The following ADCY5 variants were observed in gnomAD, a reference collection of about 807,000 sequenced individuals.
ADCY5 encodes adenylate cyclase 5.
Under a neutral mutation model 119.7 loss-of-function variants are expected in ADCY5, and 30 were observed. The ratio of observed to expected loss-of-function variants is 0.25; its 90% CI spans 0.19 to 0.34. The LOEUF (loss-of-function observed/expected upper bound fraction) is 0.34. Among genes scored for constraint, ADCY5 ranks in the 10% least tolerant of loss-of-function variants. The probability of loss-of-function intolerance (pLI) is 1.00; values close to 1 mark genes in which losing one functional copy is unlikely to be tolerated. For missense variants in ADCY5, 1,324 were observed against 1,775.2 expected (o/e 0.75, Z 4.57); for synonymous variants, 753 against 762.2 (o/e 0.99, Z 0.20).
At chr3:123,430,245 A>G (rs1210377040) in intron 1 of ADCY5, among the ~76,000 whole-genome samples, 1 of 152,212 alleles carries the variant, frequency 6.6e-6, no homozygotes, top group Non-Finnish European at 1.5e-5. Flanking sequence ...GAAAACAAAG[A>G]GCAAAAAGAC....
intron 20 of ADCY5, 97 bp from the exon 21 acceptor site, chr3:123,284,833 C>A (rs1938625028): frequency 2.6e-6 from 4 of 1,515,088 alleles, no homozygotes; most frequent in African/African-American, 1.4e-5. Flanking sequence ...GCCCTGTTGC[C>A]GCCCCTGACA....
intron 1 of ADCY5, among the ~76,000 whole-genome samples, chr3:123,380,981 G>A (rs1378565332): frequency 6.6e-6 from 1 of 152,148 alleles, no homozygotes; most frequent in Non-Finnish European, 1.5e-5. Context: ...ACTTCATACG[G>A]TGACTCTGGG....
At chr3:123,393,419 G>A (rs946271605) in intron 1 of ADCY5, among the ~76,000 whole-genome samples, 2 of 151,984 alleles carry the variant, frequency 1.3e-5, no homozygotes, top group African/African-American at 2.4e-5. Context: ...AGGTGGGCAG[G>A]GTGGGGTAAT....
intron 13 of ADCY5, 96 bp from the exon 14 acceptor site, chr3:123,303,315 C>T: frequency 7.5e-7 from 1 of 1,338,848 alleles, no homozygotes; most frequent in African/African-American, 1.4e-5. Flanking sequence ...CGCCTGTCCT[C>T]CGCCTCAGGT....
chr3:123,300,417 T>C, intron 14 of ADCY5, 122 bp from the exon 15 acceptor site: 4 of 1,153,762 alleles, frequency 3.5e-6, no homozygotes, highest in Non-Finnish European at 4.8e-6. Flanking sequence ...TTTCTGCTGA[T>C]GTAAATTTCC....
intron 1 of ADCY5, among the ~76,000 whole-genome samples, chr3:123,359,912 G>C (rs1943187525): frequency 6.6e-6 from 1 of 152,134 alleles, no homozygotes; most frequent in Non-Finnish European, 1.5e-5. Context: ...TTACACAGTG[G>C]TGGTGGGAAG....
chr3:123,410,193 G>C (rs1197417287), intron 1 of ADCY5, among the ~76,000 whole-genome samples: 1 of 152,196 alleles, frequency 6.6e-6, no homozygotes, highest in Non-Finnish European at 1.5e-5. Context: ...GATGGGGGCT[G>C]GAACACAGCT....
chr3:123,346,607 TTCTCTCTCTC>T (rs72299981), intron 3 of ADCY5, among the ~76,000 whole-genome samples: 55,030 of 128,266 alleles, frequency 0.43, 11,395 homozygotes, highest in Admixed American at 0.53. Context: ...CAGCCTCACC[TTCTCTCTCTC>T]TCTCTCTCTC....
chr3:123,426,700 C>G (rs1009147728), intron 1 of ADCY5, among the ~76,000 whole-genome samples: 1 of 152,152 alleles, frequency 6.6e-6, no homozygotes. Context: ...TAAGTACATA[C>G]TTTGTCAGGC....
chr3:123,289,845 G>T lies in ADCY5; in HGVS notation c.3437C>A (p.Thr1146Asn). The change falls in exon 19 of 21, where the codon ACC (threonine) becomes AAC (asparagine). Residue 1146 changes from threonine to asparagine, a missense_variant. This residue lies in a region of ADCY5 where 178 missense variants were observed against 329.6 expected (regional missense o/e 0.54). Transcript: ENST00000462833. Reference sequence around the variant, plus strand: ...AAAGTCGGCCAGTGCCTTGATGTGGGTCTTGCCCACCTTGTCGTAGGTAGA... The same window carrying T: ...AAAGTCGGCCAGTGCCTTGATGTGGTTCTTGCCCACCTTGTCGTAGGTAGA... ...NDSTYDKVGK[T>N]HIKALADFAM... The T allele has an allele frequency of 3.1e-6, 5 of 1,614,252 alleles. No homozygotes were observed. The highest frequency in any genetic ancestry group is 4.2e-6 in the Non-Finnish European group (5 of 1,180,044).
intron 1 of ADCY5, among the ~76,000 whole-genome samples, chr3:123,365,883 G>A (rs1327418701): frequency 6.6e-6 from 1 of 152,078 alleles, no homozygotes; most frequent in Non-Finnish European, 1.5e-5. Flanking sequence ...TTTATCCAGA[G>A]GCAGAGGGAG....
chr3:123,332,939 G>C (rs923361674), intron 3 of ADCY5, among the ~76,000 whole-genome samples: 3 of 149,226 alleles, frequency 2.0e-5, no homozygotes, highest in Non-Finnish European at 4.5e-5. Flanking sequence ...TTTTTTTTTG[G>C]GTAGAGACAG....
At chr3:123,314,165 T>G (rs1940757275) in intron 12 of ADCY5, 70 bp downstream of exon 12, 3 of 1,353,816 alleles carry the variant, frequency 2.2e-6, no homozygotes, top group Non-Finnish European at 3.1e-6. Context: ...TTTGGGCCCC[T>G]GGGTAGGGCC....
At chr3:123,355,492 T>C (rs1471115718) in intron 1 of ADCY5, among the ~76,000 whole-genome samples, 1 of 152,166 alleles carries the variant, frequency 6.6e-6, no homozygotes, top group Non-Finnish European at 1.5e-5. Context: ...CCAACTGTAC[T>C]ATGACATTTT....
chr3:123,297,899 T>C, intron 15 of ADCY5, among the ~76,000 whole-genome samples: 1 of 152,388 alleles, frequency 6.6e-6, no homozygotes, highest in Non-Finnish European at 1.5e-5. Context: ...TATCTTAAAA[T>C]GATATTTTGG....
chr3:123,371,172 G>A (rs954541963), intron 1 of ADCY5, among the ~76,000 whole-genome samples: 8 of 152,316 alleles, frequency 5.3e-5, no homozygotes, highest in East Asian at 1.9e-4. Context: ...TGGGGAAAAC[G>A]TGGGATCTGG....
chr3:123,320,809 G>A, intron 8 of ADCY5, 38 bp from the exon 9 acceptor site: 1 of 1,477,938 alleles, frequency 6.8e-7, no homozygotes, highest in Non-Finnish European at 9.4e-7. Flanking sequence ...AGAAGAGAAT[G>A]AGAACAGAGA....
intron 19 of ADCY5, 123 bp downstream of exon 19, chr3:123,289,624 TCTG>T: frequency 1.7e-6 from 2 of 1,145,306 alleles, no homozygotes; most frequent in Non-Finnish European, 2.5e-6. Context: ...CACATCAGCC[TCTG>T]CTGCCGCCTG....
intron 8 of ADCY5, among the ~76,000 whole-genome samples, chr3:123,324,404 CCA>C (rs10522987): frequency 0.028 from 3,088 of 109,290 alleles, 48 homozygotes; most frequent in Admixed American, 0.044. Flanking sequence ...CACACAGAAA[CCA>C]CACACACACA....
Sources: allele counts gnomAD v4.1 joint callset (sites outside exome capture counted in the v4.1 genomes callset), GRCh38; gene constraint gnomAD v4.1.1; regional missense constraint gnomAD v4.1.1; transcripts MANE v1.5; gene names NCBI Gene and HGNC (gene_info 2026-07-23, HGNC 2026-07-21).